Variants in IQCK observed in about 807,000 individuals in gnomAD.
IQCK encodes IQ domain-containing protein K.
A neutral mutation model predicts 28.1 loss-of-function variants in IQCK; 29 were observed. The ratio of observed to expected loss-of-function variants is 1.03; its 90% CI spans 0.77 to 1.41. The LOEUF (loss-of-function observed/expected upper bound fraction) is 1.41. Among genes scored for constraint, IQCK ranks in the 40% most tolerant of loss-of-function variants. The pLI, the probability that IQCK is intolerant of heterozygous loss-of-function variation, is 0.00. For missense variants in IQCK, 359 were observed against 314.7 expected (o/e 1.14, Z -1.07); for synonymous variants, 113 against 115.1 (o/e 0.98, Z 0.12).
At chr16:19,842,573 C>T (rs1011632276) in intron 9 of IQCK, among the ~76,000 whole-genome samples, 1 of 152,094 alleles carries the variant, frequency 6.6e-6, no homozygotes, top group African/African-American at 2.4e-5. Context: ...AAAATAAATC[C>T]GTATGTGAAA....
At chr16:19,718,420 G>C (rs752851594) in exon 1 of IQCK, 1 of 1,606,432 alleles carries the variant, frequency 6.2e-7, no homozygotes, top group Admixed American at 1.7e-5. Context: ...CGTCCCGCGA[G>C]CTGCCTGTCT....
intron 9 of IQCK, among the ~76,000 whole-genome samples, chr16:19,851,239 C>T (rs1242574105): frequency 6.6e-6 from 1 of 152,144 alleles, no homozygotes; most frequent in Non-Finnish European, 1.5e-5. Flanking sequence ...GCTCTCTTTC[C>T]CAAACTTGCC....
At chr16:19,764,754 G>A (rs1456545016) in intron 6 of IQCK, among the ~76,000 whole-genome samples, 5 of 147,136 alleles carry the variant, frequency 3.4e-5, no homozygotes, top group Middle Eastern at 3.5e-3. Context: ...GCAGTGACGC[G>A]ATCTTGGCTT....
chr16:19,783,309 C>A (rs1209927120), intron 6 of IQCK, among the ~76,000 whole-genome samples: 1 of 151,958 alleles, frequency 6.6e-6, no homozygotes, highest in Non-Finnish European at 1.5e-5. Flanking sequence ...AGCATTGATT[C>A]TTAGGGTTCA....
chr16:19,764,736 G>T (rs1335191828), intron 6 of IQCK, among the ~76,000 whole-genome samples: 1 of 147,934 alleles, frequency 6.8e-6, no homozygotes, highest in Non-Finnish European at 1.5e-5. Flanking sequence ...TGTCACCCAG[G>T]CTGGAGTGCA....
intron 1 of IQCK, among the ~76,000 whole-genome samples, chr16:19,719,770 G>A (rs980025059): frequency 6.7e-6 from 1 of 150,180 alleles, no homozygotes; most frequent in Admixed American, 6.6e-5. Context: ...CGCCTCCCGG[G>A]TTCAAGCATT....
intron 4 of IQCK, among the ~76,000 whole-genome samples, chr16:19,762,739 G>T (rs541424490): frequency 3.3e-4 from 51 of 152,286 alleles, no homozygotes; most frequent in African/African-American, 1.2e-3. Flanking sequence ...CTTTGGCCGG[G>T]CACAGTGGCT....
At chr16:19,802,709 T>C (rs1009336405) in intron 7 of IQCK, among the ~76,000 whole-genome samples, 6 of 152,002 alleles carry the variant, frequency 3.9e-5, no homozygotes, top group African/African-American at 1.5e-4. Context: ...TCTGCTCCTA[T>C]ACTTTTGCCT....
intron 7 of IQCK, among the ~76,000 whole-genome samples, chr16:19,813,324 T>C (rs567549920): frequency 3.7e-4 from 57 of 152,254 alleles, no homozygotes; most frequent in Admixed American, 1.3e-4. Context: ...TATTCCAAAG[T>C]TGAAGAAACA....
intron 7 of IQCK, among the ~76,000 whole-genome samples, chr16:19,818,325 A>G (rs1218410106): frequency 6.6e-6 from 1 of 152,118 alleles, no homozygotes; most frequent in East Asian, 1.9e-4. Flanking sequence ...TTCCTCTCTG[A>G]GATTTGCATG....
At chr16:19,754,971 T>C (rs1381716432) in intron 4 of IQCK, among the ~76,000 whole-genome samples, 2 of 152,238 alleles carry the variant, frequency 1.3e-5, no homozygotes, top group South Asian at 4.1e-4. Context: ...AGTGCATTTT[T>C]TGAACTTCTT....
chr16:19,835,013 C>T (rs1182323853), intron 9 of IQCK, among the ~76,000 whole-genome samples: 2 of 152,162 alleles, frequency 1.3e-5, no homozygotes, highest in African/African-American at 4.8e-5. Context: ...GCCTATAGCT[C>T]CAGCACTTTG....
intron 4 of IQCK, among the ~76,000 whole-genome samples, chr16:19,753,088 T>G (rs1057157505): frequency 6.6e-5 from 10 of 151,934 alleles, no homozygotes; most frequent in Admixed American, 2.6e-4. Context: ...CTCCCAGAGT[T>G]TCTCTCTAAT....
chr16:19,806,951 T>G (rs1234952739), intron 7 of IQCK, among the ~76,000 whole-genome samples: 1 of 152,230 alleles, frequency 6.6e-6, no homozygotes, highest in Non-Finnish European at 1.5e-5. Context: ...CCCCTGGGAT[T>G]CCCATTACTG....
chr16:19,765,267 G>A (rs1357225164), intron 6 of IQCK, among the ~76,000 whole-genome samples: 2 of 150,726 alleles, frequency 1.3e-5, no homozygotes, highest in African/African-American at 4.9e-5. Flanking sequence ...GCCGGGCATG[G>A]TGGCTTATGC....
In IQCK at chr16:19,780,983, CA is replaced by C. The variant is rs1315637304; in HGVS notation, c.606-7852del. 3.3e-5 allele frequency among the ~76,000 whole-genome samples: 5 copies of C among 152,036 alleles called. No homozygotes were observed. The East Asian group carries it at 9.6e-4, about 29-fold the overall frequency. On this transcript the variant is annotated intron_variant, in intron 6 of 7. Transcript: ENST00000564186. ...TATTGTGAGAAGGAATCCAAACCGC[CA>C]AAGTAGAAAGGGATCCGTGACACAA...
At position 19,837,285 on chromosome 16, in the gene IQCK, CA is replaced by C. The variant is rs2056310592; in HGVS notation, c.802+10149del. On this transcript the variant is annotated intron_variant, in intron 9 of 9. Coordinates refer to the IQCK transcript ENST00000320394. ...GTATGGTGGTCTGTGCATGTGGTCC[CA>C]GCTACTTGGGAGGCTGAGGCAGGAG... Among the ~76,000 whole-genome samples, 7 of 152,018 alleles carry C rather than the reference CA, an allele frequency of 4.6e-5. No homozygotes were observed. In the South Asian group the frequency reaches 1.5e-3, roughly 32 times the overall value.
At chr16:19,826,942 G>A (rs576179543) in intron 7 of IQCK, 84 bp from the exon 8 acceptor site, 2 of 866,372 alleles carry the variant, frequency 2.3e-6, no homozygotes, top group Admixed American at 1.9e-5. Flanking sequence ...CAACTGGTTT[G>A]TAAAGGATTT....
At chr16:19,856,645 A>T in exon 10 of IQCK, 1 of 986,012 alleles carries the variant, frequency 1.0e-6, no homozygotes, top group Non-Finnish European at 1.6e-6. Flanking sequence ...TTCTTTAACA[A>T]GACTTGGAAC....
Sources: gnomAD v4.1 joint callset for allele counts (sites outside exome capture counted in the v4.1 genomes callset) on GRCh38, gnomAD v4.1.1 for gene constraint, MANE v1.5 for transcripts, NCBI Gene and HGNC (gene_info 2026-07-23, HGNC 2026-07-21) for gene names.